TBPL1: variants seen among roughly 807,000 people sequenced by gnomAD.
TBPL1 encodes the protein TATA box-binding protein-like 1.
TBPL1 carries 4 observed loss-of-function variants against 22.1 expected under a neutral mutation model. That is an observed-to-expected ratio of 0.18 (90% CI 0.09 to 0.41). TBPL1 has a LOEUF of 0.41. Among genes scored for constraint, TBPL1 ranks in the 10% least tolerant of loss-of-function variants. The pLI is 1.00. For missense variants in TBPL1, 115 were observed against 222.3 expected, an observed-to-expected ratio of 0.52 and a Z score of 3.07; for synonymous variants, 64 against 71.0, an observed-to-expected ratio of 0.90 and a Z score of 0.50.
intron 1 of TBPL1, among the ~76,000 whole-genome samples, chr6:133,964,848 T>C (rs1035600305): frequency 9.8e-5 from 15 of 152,358 alleles, no homozygotes; most frequent in Middle Eastern, 3.4e-3. Flanking sequence ...AGGTTGTCTA[T>C]GCTAGAGCAT....
chr6:133,968,398 C>T lies in TBPL1; in HGVS notation c.-44-11684C>T, dbSNP rs185154283. Reference sequence around the variant, plus strand: ...TCATATGCCAAATTTCTCATCTTTGCGTTTGAATTTCCAAATGTAAGGTTG... The same window carrying T: ...TCATATGCCAAATTTCTCATCTTTGTGTTTGAATTTCCAAATGTAAGGTTG... On this transcript the variant is annotated intron_variant, in intron 1 of 6. Coordinates refer to ENST00000237264, the MANE Select transcript of TBPL1 (RefSeq NM_004865.4). Among the ~76,000 whole-genome samples, 225 of 152,192 alleles carry T rather than the reference C, an allele frequency of 1.5e-3. 1 individual carries two copies. Among genetic ancestry groups the T allele is most frequent in the African/African-American group, 5.2e-3 (216 of 41,544 alleles).
Position 133,989,829 on chromosome 6 carries a change from A to G in TBPL1, c.*2789A>G, listed in dbSNP as rs1582591051. ...TAGGAAAATTCCAAGCTAAATAAAAAGGAGCTTTGGCTCTTAGGATTCTCT... is the reference window on the plus strand; with the variant it reads ...TAGGAAAATTCCAAGCTAAATAAAAGGGAGCTTTGGCTCTTAGGATTCTCT... On this transcript the variant is annotated 3_prime_UTR_variant, in exon 7 of 7. Transcript: ENST00000237264. 6.6e-6 allele frequency: 1 copy of G among 152,248 alleles called. No individual in the cohort carries two copies. The highest frequency in any genetic ancestry group is 6.5e-5 in the Admixed American group (1 of 15,288). 9.4% of individuals were successfully genotyped at this position (152,248 alleles called of 1,614,324 possible).
At chr6:133,963,602 TG>T in intron 1 of TBPL1, among the ~76,000 whole-genome samples, 1 of 152,250 alleles carries the variant, frequency 6.6e-6, no homozygotes, top group African/African-American at 2.4e-5. Flanking sequence ...TGTATTTTTT[TG>T]TCGAGACAGA....
chr6:133,978,408 A>G (rs1197131543), intron 1 of TBPL1, among the ~76,000 whole-genome samples: 1 of 152,218 alleles, frequency 6.6e-6, no homozygotes, highest in African/African-American at 2.4e-5. Flanking sequence ...CAGGTTACAT[A>G]ACTTGCCCAA....
intron 2 of TBPL1, 95 bp from the exon 3 acceptor site, chr6:133,982,473 G>A (rs1174054540): frequency 6.7e-6 from 7 of 1,041,484 alleles, no homozygotes; most frequent in African/African-American, 3.2e-5. Context: ...GGATAAGCTT[G>A]GAGAGTAGTA....
At chr6:133,982,508 G>A in intron 2 of TBPL1, 60 bp from the exon 3 acceptor site, 1 of 1,486,312 alleles carries the variant, frequency 6.7e-7, no homozygotes, top group Non-Finnish European at 9.3e-7. Context: ...TGACTATATA[G>A]AACAGAACCT....
chr6:133,975,777 T>C (rs1464669810), intron 1 of TBPL1, among the ~76,000 whole-genome samples: 1 of 152,206 alleles, frequency 6.6e-6, no homozygotes, highest in East Asian at 1.9e-4. Context: ...GTAGAGGCTT[T>C]CTCTGGAGGG....
intron 1 of TBPL1, among the ~76,000 whole-genome samples, chr6:133,956,679 A>G (rs1562654247): frequency 1.3e-5 from 2 of 152,108 alleles, no homozygotes; most frequent in African/African-American, 4.8e-5. Flanking sequence ...GATGAAGGAA[A>G]CCTTTTTGAA....
chr6:133,966,984 T>G (rs1395264932), intron 1 of TBPL1, among the ~76,000 whole-genome samples: 2 of 152,208 alleles, frequency 1.3e-5, no homozygotes, highest in Non-Finnish European at 2.9e-5. Context: ...CCACTACTTT[T>G]GAGATAAACA....
At chr6:133,980,434 G>C (rs1176256532) in intron 2 of TBPL1, among the ~76,000 whole-genome samples, 174 bp downstream of exon 2, 1 of 152,158 alleles carries the variant, frequency 6.6e-6, no homozygotes, top group Non-Finnish European at 1.5e-5. Flanking sequence ...GGAGGTGCAA[G>C]CTTTTGTACA....
At chr6:133,960,924 A>T (rs2114327931) in intron 1 of TBPL1, among the ~76,000 whole-genome samples, 1 of 152,370 alleles carries the variant, frequency 6.6e-6, no homozygotes, top group South Asian at 2.1e-4. Context: ...TTTAATTAAA[A>T]TAATTCTTTT....
intron 1 of TBPL1, among the ~76,000 whole-genome samples, chr6:133,964,609 C>T (rs866053929): frequency 1.1e-4 from 16 of 151,828 alleles, no homozygotes; most frequent in Admixed American, 4.6e-4. Context: ...GCCACCACTC[C>T]AGGCTAATTT....
chr6:133,977,598 A>C (rs997427283), intron 1 of TBPL1, among the ~76,000 whole-genome samples: 1 of 152,224 alleles, frequency 6.6e-6, no homozygotes, highest in South Asian at 2.1e-4. Flanking sequence ...GTTGATTCGC[A>C]TGAAGTTTCT....
intron 1 of TBPL1, among the ~76,000 whole-genome samples, chr6:133,973,864 G>C (rs1776266554): frequency 6.6e-6 from 1 of 152,040 alleles, no homozygotes; most frequent in African/African-American, 2.4e-5. Flanking sequence ...ATCAAGCTAT[G>C]TCTTAATATT....
At chr6:133,956,807 A>G (rs1775934811) in intron 1 of TBPL1, among the ~76,000 whole-genome samples, 1 of 152,220 alleles carries the variant, frequency 6.6e-6, no homozygotes, top group Non-Finnish European at 1.5e-5. Flanking sequence ...AACAATAAAG[A>G]TAATGGTGGA....
chr6:133,980,044 ATTTAAG>A, intron 1 of TBPL1, 32 bp from the exon 2 acceptor site: 2 of 1,336,948 alleles, frequency 1.5e-6, no homozygotes, highest in Non-Finnish European at 2.0e-6. Context: ...AATTAACAAC[ATTTAAG>A]TTTAATGACT....
At chr6:133,985,633 T>C (rs540860759) in intron 6 of TBPL1, among the ~76,000 whole-genome samples, 1 of 152,208 alleles carries the variant, frequency 6.6e-6, no homozygotes, top group South Asian at 2.1e-4. Context: ...GAGGCATTGC[T>C]TGGGAGTCAG....
chr6:133,953,553 G>C (rs1288310968), intron 1 of TBPL1, 128 bp downstream of exon 1: 1 of 152,522 alleles, frequency 6.6e-6, no homozygotes, highest in East Asian at 1.9e-4. Context: ...TGGGATGTGT[G>C]GGGGCGGGCG....
chr6:133,980,820 G>A (rs1018466807), intron 2 of TBPL1, among the ~76,000 whole-genome samples: 4 of 151,704 alleles, frequency 2.6e-5, no homozygotes, highest in Admixed American at 6.6e-5. Flanking sequence ...AAAGACATTG[G>A]ATGTCATTAT....
Sources: gnomAD v4.1 joint callset for allele counts (sites outside exome capture counted in the v4.1 genomes callset) on GRCh38, gnomAD v4.1.1 for gene constraint, MANE v1.5 for transcripts, NCBI Gene and HGNC (gene_info 2026-07-23, HGNC 2026-07-21) for gene names.